Variants in ESRRB observed in about 807,000 individuals in gnomAD.
The protein encoded by ESRRB is estrogen related receptor beta, also known as steroid hormone receptor ERR2.
A neutral mutation model predicts 46.0 loss-of-function variants in ESRRB; 16 were observed. The ratio of observed to expected loss-of-function variants is 0.35; its 90% CI spans 0.24 to 0.53. ESRRB has a LOEUF of 0.53. Ranked by LOEUF, ESRRB falls within the 20% of genes least tolerant of loss-of-function variation. The probability of loss-of-function intolerance (pLI) is 0.93; values close to 1 mark genes in which losing one functional copy is unlikely to be tolerated. For missense variants in ESRRB, 488 were observed against 607.4 expected, an observed-to-expected ratio of 0.80 and a Z score of 2.07; for synonymous variants, 246 against 259.6, an observed-to-expected ratio of 0.95 and a Z score of 0.50.
At chr14:76,441,462 A>T (rs1566900711) in intron 2 of ESRRB, among the ~76,000 whole-genome samples, 1 of 152,160 alleles carries the variant, frequency 6.6e-6, no homozygotes, top group Non-Finnish European at 1.5e-5. Context: ...CCACTGGTGC[A>T]CATCACCACA....
At chr14:76,405,568 G>A (rs938349661) in intron 1 of ESRRB, among the ~76,000 whole-genome samples, 3 of 152,146 alleles carry the variant, frequency 2.0e-5, no homozygotes, top group African/African-American at 7.2e-5. Context: ...CTTCCAGGGG[G>A]CTTGTTGGTG....
chr14:76,463,300 C>T (rs1888953300), intron 3 of ESRRB: 1 of 159,216 alleles, frequency 6.3e-6, no homozygotes, highest in Admixed American at 5.8e-5. Flanking sequence ...CAACACATGC[C>T]TGCTTTAGAG....
At chr14:76,433,424 A>T (rs548347939) in intron 1 of ESRRB, among the ~76,000 whole-genome samples, 1 of 152,256 alleles carries the variant, frequency 6.6e-6, no homozygotes, top group African/African-American at 2.4e-5. Context: ...GCCAACTGGG[A>T]GGTATCGATA....
intron 1 of ESRRB, among the ~76,000 whole-genome samples, chr14:76,377,384 G>A (rs999773036): frequency 2.0e-5 from 3 of 152,128 alleles, no homozygotes; most frequent in African/African-American, 4.8e-5. Flanking sequence ...CACCCTCCAC[G>A]GTCGCCGCTC....
At position 76,499,932 on chromosome 14, in the gene ESRRB, T is replaced by C. The variant is rs188462546; in HGVS notation, c.*1474T>C. 4.5e-3 allele frequency: 7,267 copies of C among 1,613,894 alleles called. 28 individuals carry two copies. Among genetic ancestry groups the C allele is most frequent in the Non-Finnish European group, 5.5e-3 (6,521 of 1,179,958 alleles). ...GTCAAGCCATGATGGAAAATGCCCC[T>C]TCCAATCAGCTGCCTTCACAAGCAG... On this transcript the variant is annotated 3_prime_UTR_variant, in exon 7 of 7. Transcript: ENST00000644823.
At chr14:76,493,945 C>T (rs901924396) in intron 6 of ESRRB, among the ~76,000 whole-genome samples, 8 of 152,202 alleles carry the variant, frequency 5.3e-5, no homozygotes, top group Non-Finnish European at 8.8e-5. Flanking sequence ...TACAAAAGTT[C>T]GGATCAGAGC....
intron 1 of ESRRB, among the ~76,000 whole-genome samples, chr14:76,383,514 G>A (rs1056233422): frequency 6.6e-6 from 1 of 152,144 alleles, no homozygotes; most frequent in Non-Finnish European, 1.5e-5. Context: ...GAAGAAGCGT[G>A]ATCTTTTAGA....
rs1197890247 is a variant in ESRRB at position 76,501,095 on chromosome 14, C to T, written c.*2637C>T. 3.4e-6 allele frequency: 1 copy of T among 292,652 alleles called. No individual in the cohort carries two copies. The highest frequency in any genetic ancestry group is 2.1e-5 in the African/African-American group (1 of 47,122). 18.1% of individuals were successfully genotyped at this position (292,652 alleles called of 1,614,324 possible). A position where few individuals can be genotyped will look rare whatever the true frequency, so the allele number is the denominator to read the frequency against. Reference sequence around the variant, plus strand: ...AGTGAGGAGAGTTTAGGGGAACCTTCCCCCAGTGGAACAGATCTCAAGTTT... The same window carrying T: ...AGTGAGGAGAGTTTAGGGGAACCTTTCCCCAGTGGAACAGATCTCAAGTTT... On this transcript the variant is annotated 3_prime_UTR_variant, in exon 7 of 7. Transcript: ENST00000644823.
chr14:76,320,232 T>C (rs756158866), intron 1 of ESRRB, among the ~76,000 whole-genome samples: 60 of 152,336 alleles, frequency 3.9e-4, no homozygotes, highest in Non-Finnish European at 7.8e-4. Flanking sequence ...ACTGATGCCG[T>C]AGGACACTAT....
chr14:76,319,997 A>G (rs1352605682), intron 1 of ESRRB, among the ~76,000 whole-genome samples: 1 of 152,200 alleles, frequency 6.6e-6, no homozygotes, highest in Non-Finnish European at 1.5e-5. Flanking sequence ...TGAAACACCA[A>G]CTTCAGGAGA....
intron 1 of ESRRB, 143 bp from the exon 2 acceptor site, chr14:76,439,198 A>C (rs901704855): frequency 1.1e-6 from 1 of 944,088 alleles, no homozygotes; most frequent in Non-Finnish European, 1.7e-6. Flanking sequence ...CCGAGGGGAG[A>C]CCAGCTGACC....
At chr14:76,444,329 A>G (rs1325702937) in intron 2 of ESRRB, among the ~76,000 whole-genome samples, 1 of 152,090 alleles carries the variant, frequency 6.6e-6, no homozygotes, top group Non-Finnish European at 1.5e-5. Flanking sequence ...CACCATACCC[A>G]GCCAGATTTT....
intron 1 of ESRRB, among the ~76,000 whole-genome samples, chr14:76,333,185 T>A (rs1465732722): frequency 1.4e-4 from 4 of 28,926 alleles, no homozygotes; most frequent in Non-Finnish European, 1.7e-4. Flanking sequence ...TATATATATA[T>A]TATATATTAT....
chr14:76,316,690 T>C (rs1883804306), intron 1 of ESRRB, among the ~76,000 whole-genome samples: 1 of 152,164 alleles, frequency 6.6e-6, no homozygotes, highest in Non-Finnish European at 1.5e-5. Flanking sequence ...TCATGGTCCT[T>C]GCCCCTATCC....
intron 2 of ESRRB, among the ~76,000 whole-genome samples, chr14:76,457,021 C>T (rs1888643217): frequency 6.6e-6 from 1 of 152,168 alleles, no homozygotes; most frequent in East Asian, 1.9e-4. Flanking sequence ...AGCTATTTGT[C>T]CGAGCTTAGC....
chr14:76,320,864 C>T (rs1883858608), intron 1 of ESRRB, among the ~76,000 whole-genome samples: 1 of 152,108 alleles, frequency 6.6e-6, no homozygotes, highest in African/African-American at 2.4e-5. Flanking sequence ...TTCCTGAATG[C>T]CAGCCTTACT....
At chr14:76,352,204 A>C (rs567953244) in intron 1 of ESRRB, among the ~76,000 whole-genome samples, 1 of 152,234 alleles carries the variant, frequency 6.6e-6, no homozygotes. Context: ...TTCGTGTGTA[A>C]AATGAGAATC....
At chr14:76,372,214 C>T (rs192232252), upstream of ESRRB, among the ~76,000 whole-genome samples, 23 of 152,288 alleles carry the variant, frequency 1.5e-4, no homozygotes, top group African/African-American at 5.3e-4. Context: ...GTCTAGATCT[C>T]TGACATACTC....
At position 76,340,480 on chromosome 14, in the gene ESRRB, T is replaced by C. The variant is rs374994509; in HGVS notation, c.2+29564T>C. On this transcript the variant is annotated intron_variant, in intron 1 of 6. Transcript: ENST00000512784. ...TCATGTCAGCCAGCTTATGTGACTT[T>C]AGACAAGTGACTTAGCCTCTCTGGG... Among the ~76,000 whole-genome samples, 28 of 152,346 alleles carry C rather than the reference T, an allele frequency of 1.8e-4. No homozygotes were observed. In the East Asian group the frequency reaches 3.7e-3, roughly 20 times the overall value.
Sources: gnomAD v4.1 joint callset for allele counts (sites outside exome capture counted in the v4.1 genomes callset) on GRCh38, gnomAD v4.1.1 for gene constraint, MANE v1.5 for transcripts, NCBI Gene and HGNC (gene_info 2026-07-23, HGNC 2026-07-21) for gene names.